Variants in SH2D3C observed in about 807,000 individuals in gnomAD.
SH2D3C encodes SH2 domain containing 3C, also known as SH2 domain-containing protein 3C.
Under a neutral mutation model 75.2 loss-of-function variants are expected in SH2D3C, and 25 were observed. The observed-to-expected ratio is 0.33, with a 90% confidence interval of 0.24 to 0.46. The LOEUF is 0.46. Among genes scored for constraint, SH2D3C ranks in the 20% least tolerant of loss-of-function variants. The pLI is 1.00. For missense variants in SH2D3C, 933 were observed against 1,165.3 expected (o/e 0.80, Z 2.90); for synonymous variants, 450 against 473.7 (o/e 0.95, Z 0.65).
chr9:127,761,131 G>C (rs369965865), intron 3 of SH2D3C, among the ~76,000 whole-genome samples: 1 of 152,140 alleles, frequency 6.6e-6, no homozygotes, highest in South Asian at 2.1e-4. Flanking sequence ...ATGAGCCACC[G>C]TGCCCGGCCA....
rs1410287069 is a variant in SH2D3C, at chr9:127,754,386, G to A, written c.556-3086C>T. 2.0e-5 allele frequency among the ~76,000 whole-genome samples: 3 copies of A among 151,996 alleles called. No individual in the cohort carries two copies. In the East Asian group the frequency reaches 5.8e-4, roughly 29 times the overall value. On this transcript the variant is annotated intron_variant, in intron 3 of 11. Coordinates refer to ENST00000314830, the MANE Select transcript of SH2D3C (RefSeq NM_170600.3). This position sits in a 1 kb window ranked among gnomAD's most constrained non-coding sequence, Gnocchi z 4.4. The stretch of plus-strand genomic sequence containing the variant: ...GGTCTTAACCCCTTCCCGCCAGCCC[G>A]AGCCCAGCATCCCCTCCAGCTCCCC...
chr9:127,762,198 G>C, intron 2 of SH2D3C: 7 of 1,191,388 alleles, frequency 5.9e-6, no homozygotes, highest in Non-Finnish European at 7.4e-6. Flanking sequence ...GCCGGTGCTA[G>C]AGGGCTACAG....
At chr9:127,752,671 C>A (rs1000552604) in intron 3 of SH2D3C, among the ~76,000 whole-genome samples, 4 of 152,158 alleles carry the variant, frequency 2.6e-5, no homozygotes, top group African/African-American at 9.7e-5. Context: ...GCATTGCTCC[C>A]AAGACACCAT....
At position 127,754,419 on chromosome 9, in the gene SH2D3C, C is replaced by T. The variant is rs1245286603; in HGVS notation, c.556-3119G>A. Among the ~76,000 whole-genome samples, 2 of 152,152 alleles carry T rather than the reference C, an allele frequency of 1.3e-5. No homozygotes were observed. Among genetic ancestry groups the T allele is most frequent in the Non-Finnish European group, 2.9e-5 (2 of 68,010 alleles). The stretch of plus-strand genomic sequence containing the variant: ...CATCCCCTCCAGCTCCCCTCGGCGT[C>T]CCAACCCCAAGCAAAGCCATCCCCA... On this transcript the variant is annotated intron_variant, in intron 3 of 11. Transcript: ENST00000314830. The surrounding 1 kb of genome is among the most constrained non-coding windows in gnomAD (Gnocchi z 4.4).
intron 3 of SH2D3C, among the ~76,000 whole-genome samples, chr9:127,760,003 T>C (rs1322744523): frequency 6.6e-6 from 1 of 151,778 alleles, no homozygotes; most frequent in African/African-American, 2.4e-5. Flanking sequence ...AAAAATTTTT[T>C]TTTTTTTAAA....
Position 127,744,820 on chromosome 9 carries a change from C to T in SH2D3C, c.1544G>A (p.Ser515Asn), listed in dbSNP as rs771184088. The T allele has an allele frequency of 6.2e-7, 1 of 1,614,194 alleles. No individual in the cohort carries two copies. Among genetic ancestry groups the T allele is most frequent in the South Asian group, 1.1e-5 (1 of 91,086 alleles). The change falls in exon 7 of 12, where the codon AGC (serine) becomes AAC (asparagine). Residue 515 changes from serine (S) to asparagine (N), a missense_variant. Physicochemically the swap from Ser to Asn is conservative, Grantham distance 46. Coordinates refer to ENST00000314830, the MANE Select transcript of SH2D3C (RefSeq NM_170600.3). ...CTCCCCATAGCTCCTGGCCTGCTGG[C>T]TGGAGGTCTCAGTCGCTGCCCACTC... ...SREWAATETS[S>N]QQARSYGERL...
At chr9:127,771,508 C>G in intron 2 of SH2D3C, 1 of 548,128 alleles carries the variant, frequency 1.8e-6, no homozygotes, top group Non-Finnish European at 2.8e-6. Context: ...AGGCCTCGCC[C>G]CCTAGCACAC....
At position 127,738,831 on chromosome 9, in the gene SH2D3C, T is replaced by G; in HGVS notation, c.2498A>C (p.Gln833Pro). ...GTCGAACTTCTCATAGCGCCGGGCC[T>G]GGCTGCTGCTGGCACCCTGACTGCC... ...LWGSQGASSS[Q>P]ARRYEKFDKV... Residue 833 changes from glutamine (Q) to proline (P), a missense_variant, in exon 12 of 12, where the codon CAG (glutamine) becomes CCG (proline). Physicochemically the swap from Gln to Pro is moderately conservative, Grantham distance 76 (BLOSUM62 -1). Coordinates refer to ENST00000314830, the MANE Select transcript of SH2D3C (RefSeq NM_170600.3). This position sits in a 1 kb window ranked among gnomAD's most constrained non-coding sequence, Gnocchi z 5.0. 1 of 1,604,158 alleles carries G rather than the reference T, an allele frequency of 6.2e-7. No individual in the cohort carries two copies. The highest frequency in any genetic ancestry group is 2.2e-5 in the East Asian group (1 of 44,602).
At position 127,773,996 on chromosome 9, in the gene SH2D3C, G is replaced by A. The variant is rs764785438; in HGVS notation, c.509C>T (p.Ser170Leu). Reference sequence around the variant, plus strand: ...CCAGCCCCTGGGCACCTACCTTTCTGAGTGCACGTCCCTGGGAGGTCTCTC... The same window carrying A: ...CCAGCCCCTGGGCACCTACCTTTCTAAGTGCACGTCCCTGGGAGGTCTCTC... The part of the protein sequence containing the change: ...EEERPPRDVH[S>L]ERAAGEPEAG... Residue 170 changes from serine (S) to leucine (L), a missense_variant, in exon 2 of 12, where the codon TCA (serine) becomes TTA (leucine). Physicochemically the swap from Ser to Leu is moderately radical, Grantham distance 145. Transcript: ENST00000314830. 2 of 1,602,450 alleles carry A rather than the reference G, an allele frequency of 1.2e-6. No homozygotes were observed. Among genetic ancestry groups the A allele is most frequent in the East Asian group, 4.5e-5 (2 of 44,752 alleles).
chr9:127,768,610 A>C (rs1219299503), intron 2 of SH2D3C, among the ~76,000 whole-genome samples: 1 of 152,140 alleles, frequency 6.6e-6, no homozygotes, highest in Non-Finnish European at 1.5e-5. Flanking sequence ...CACAGAAAAG[A>C]TTCTCCTAAA....
intron 4 of SH2D3C, among the ~76,000 whole-genome samples, chr9:127,750,352 A>G (rs1029512783): frequency 6.6e-6 from 1 of 151,896 alleles, no homozygotes; most frequent in African/African-American, 2.4e-5. Context: ...ACGAGGTTTC[A>G]CCATGTGGGC....
At chr9:127,766,659 T>C (rs1845640963) in intron 2 of SH2D3C, among the ~76,000 whole-genome samples, 1 of 152,146 alleles carries the variant, frequency 6.6e-6, no homozygotes, top group South Asian at 2.1e-4. Context: ...AACCTCTGCC[T>C]CCCGGGTTCA....
intron 2 of SH2D3C, among the ~76,000 whole-genome samples, chr9:127,771,882 G>A (rs1289638617): frequency 6.6e-6 from 1 of 152,236 alleles, no homozygotes; most frequent in African/African-American, 2.4e-5. Flanking sequence ...CATTTACTGA[G>A]TGCAGCATGC....
chr9:127,776,064 A>G (rs1845804035), intron 1 of SH2D3C, among the ~76,000 whole-genome samples: 1 of 152,056 alleles, frequency 6.6e-6, no homozygotes, highest in Non-Finnish European at 1.5e-5. Context: ...CCTGACCTCA[A>G]GGGATCCACC....
chr9:127,743,006 C>T, intron 7 of SH2D3C, 42 bp from the exon 8 acceptor site: 2 of 1,482,602 alleles, frequency 1.3e-6, no homozygotes, highest in Non-Finnish European at 1.9e-6. Flanking sequence ...CCTGTCAGGG[C>T]TGGCCCCAGC....
intron 3 of SH2D3C, among the ~76,000 whole-genome samples, chr9:127,757,125 T>G (rs547008618): frequency 8.6e-5 from 12 of 139,948 alleles, no homozygotes; most frequent in South Asian, 2.2e-4. Context: ...TTTTTTTTTA[T>G]AGAGATGGGG....
rs757417927 is a variant in SH2D3C at position 127,767,027 on chromosome 9, C to T, written c.516-5377G>A. 431 of 1,536,084 alleles carry T rather than the reference C, an allele frequency of 2.8e-4. 2 individuals are homozygous for T. Among genetic ancestry groups the T allele is most frequent in the Middle Eastern group, 1.7e-4 (1 of 6,012 alleles). On this transcript the variant is annotated intron_variant, in intron 2 of 11. Transcript: ENST00000314830. Reference sequence around the variant, plus strand: ...CACCAGCCATGGGGCCTGTGGGATTCCCTGCCGGGAAGGCTCTTGGCTTTG... The same window carrying T: ...CACCAGCCATGGGGCCTGTGGGATTTCCTGCCGGGAAGGCTCTTGGCTTTG...
In SH2D3C at chr9:127,751,588, C is replaced by T. The variant is rs182541167; in HGVS notation, c.556-288G>A. On this transcript the variant is annotated intron_variant, in intron 3 of 11. Transcript: ENST00000314830. The surrounding 1 kb of genome is among the most constrained non-coding windows in gnomAD (Gnocchi z 4.1). ...AGGCAGTGCCTAGTCTGAGGAGAGGCAAAAGCAACAGGAGCCTCTGAGTAG... is the reference window on the plus strand; with the variant it reads ...AGGCAGTGCCTAGTCTGAGGAGAGGTAAAAGCAACAGGAGCCTCTGAGTAG... Among the ~76,000 whole-genome samples, 1 of 152,222 alleles carries T rather than the reference C, an allele frequency of 6.6e-6. No individual in the cohort carries two copies. The highest frequency in any genetic ancestry group is 2.4e-5 in the African/African-American group (1 of 41,452).
rs912008359 is a variant in SH2D3C at position 127,774,811 on chromosome 9, C to T, written c.38-344G>A. On this transcript the variant is annotated intron_variant, in intron 1 of 11. Coordinates refer to ENST00000314830, the MANE Select transcript of SH2D3C (RefSeq NM_170600.3). The surrounding 1 kb of genome is among the most constrained non-coding windows in gnomAD (Gnocchi z 4.3). Reference sequence around the variant, plus strand: ...GTGAGAATTACAGAAAAGCTTAGGCCAGGCGTGGTGGCTCATGCCTGTAAT... The same window carrying T: ...GTGAGAATTACAGAAAAGCTTAGGCTAGGCGTGGTGGCTCATGCCTGTAAT... Among the ~76,000 whole-genome samples, 14 of 152,184 alleles carry T rather than the reference C, an allele frequency of 9.2e-5. No individual in the cohort carries two copies. The highest frequency in any genetic ancestry group is 6.5e-4 in the Admixed American group (10 of 15,274).
Sources: gnomAD v4.1 joint callset for allele counts (sites outside exome capture counted in the v4.1 genomes callset) on GRCh38, gnomAD v4.1.1 for gene constraint, Gnocchi (gnomAD v3.1) non-coding constraint, MANE v1.5 for transcripts, NCBI Gene and HGNC (gene_info 2026-07-23, HGNC 2026-07-21) for gene names.